Variants in WWC2 observed in about 807,000 individuals in gnomAD.
WWC2 encodes the protein protein WWC2.
WWC2 carries 101 observed loss-of-function variants against 138.5 expected under a neutral mutation model. That is an observed-to-expected ratio of 0.73 (90% CI 0.62 to 0.86). The LOEUF is 0.86. Ranked by LOEUF, WWC2 falls within the 40% of genes least tolerant of loss-of-function variation. The pLI is 0.00. For missense variants in WWC2, 1,420 were observed against 1,419.4 expected (o/e 1.00, Z -0.01); for synonymous variants, 558 against 538.4 (o/e 1.04, Z -0.50).
chr4:183,124,658 C>T (rs1250549602), intron 1 of WWC2, among the ~76,000 whole-genome samples: 94 of 148,376 alleles, frequency 6.3e-4, no homozygotes, highest in Non-Finnish European at 1.0e-3. Context: ...GGCATGATCT[C>T]GGCTCACTGC....
intron 1 of WWC2, among the ~76,000 whole-genome samples, chr4:183,108,143 T>TTTTCC (rs1185769046): frequency 2.0e-4 from 30 of 152,312 alleles, no homozygotes; most frequent in African/African-American, 6.7e-4. Context: ...ATGTAAAGGC[T>TTTTCC]TTTCCTTTTA....
rs1322134341 is a variant in WWC2, at chr4:183,253,886, C to T, written c.1083C>T (p.Val361=). Residue 361 remains valine, a synonymous_variant, in exon 9 of 23, where the codon GTC becomes GTT. Transcript: ENST00000403733. ...KEELLKELQF[V]TPQKRTQDEL... Reference sequence around the variant, plus strand: ...AACTTTTGAAAGAGCTTCAGTTCGTCACCCCACAGAAACGTACCCAAGATG... The same window carrying T: ...AACTTTTGAAAGAGCTTCAGTTCGTTACCCCACAGAAACGTACCCAAGATG... The T allele has an allele frequency of 6.2e-7, 1 of 1,613,836 alleles. No homozygotes were observed. Among genetic ancestry groups the T allele is most frequent in the Admixed American group, 1.7e-5 (1 of 60,006 alleles).
In WWC2 at chr4:183,316,993, T is replaced by A. The variant is rs896918166; in HGVS notation, c.*1264T>A. On this transcript the variant is annotated 3_prime_UTR_variant, in exon 23 of 23. Transcript: ENST00000403733. ...CCCAGGCACTTCTTAAAAACACAGATCCTCAGTGCAGCTCTGCCAGCATCA... is the reference window on the plus strand; with the variant it reads ...CCCAGGCACTTCTTAAAAACACAGAACCTCAGTGCAGCTCTGCCAGCATCA... 6.6e-6 allele frequency: 1 copy of A among 152,154 alleles called. No individual in the cohort carries two copies. Among genetic ancestry groups the A allele is most frequent in the Non-Finnish European group, 1.5e-5 (1 of 68,038 alleles). The allele number at this position is 152,154 out of a possible 1,614,324, so 9.4% of individuals were successfully genotyped here. A position where few individuals can be genotyped will look rare whatever the true frequency, so the allele number is the denominator to read the frequency against.
chr4:183,228,159 A>G (rs1490452649), intron 4 of WWC2, among the ~76,000 whole-genome samples: 1 of 152,098 alleles, frequency 6.6e-6, no homozygotes, highest in Non-Finnish European at 1.5e-5. Flanking sequence ...AAACGCTGGT[A>G]TACACAAATA....
At chr4:183,183,642 T>C (rs1055782131) in intron 1 of WWC2, among the ~76,000 whole-genome samples, 2 of 152,094 alleles carry the variant, frequency 1.3e-5, no homozygotes, top group African/African-American at 4.8e-5. Context: ...GCCAAGCGTG[T>C]TGGTGTGTAC....
intron 1 of WWC2, among the ~76,000 whole-genome samples, chr4:183,148,835 G>A (rs1161278777): frequency 6.6e-6 from 1 of 152,114 alleles, no homozygotes. Flanking sequence ...GAGCAATTAG[G>A]AATGGACCCA....
At chr4:183,308,920 A>C (rs1468258889) in intron 21 of WWC2, among the ~76,000 whole-genome samples, 1 of 152,204 alleles carries the variant, frequency 6.6e-6, no homozygotes, top group Non-Finnish European at 1.5e-5. Flanking sequence ...CCACAGATAC[A>C]GAGGGCTGAC....
chr4:183,182,520 A>C (rs1394591592), intron 1 of WWC2, among the ~76,000 whole-genome samples: 1 of 152,254 alleles, frequency 6.6e-6, no homozygotes, highest in African/African-American at 2.4e-5. Context: ...TAATCTGACA[A>C]GCAAACATTT....
chr4:183,103,331 C>CTTTTT (rs772364256), intron 1 of WWC2, among the ~76,000 whole-genome samples: 3 of 123,796 alleles, frequency 2.4e-5, no homozygotes, highest in African/African-American at 9.4e-5. Flanking sequence ...TCTGTATTGT[C>CTTTTT]TTTTTTTTTT....
intron 2 of WWC2, among the ~76,000 whole-genome samples, chr4:183,207,628 A>T (rs889896503): frequency 2.0e-5 from 3 of 152,142 alleles, no homozygotes; most frequent in South Asian, 2.1e-4. Context: ...GGTCCAGCTT[A>T]TGCAGGGCAT....
chr4:183,201,875 C>T lies in WWC2; in HGVS notation c.242-6078C>T, dbSNP rs372747792. Among the ~76,000 whole-genome samples the T allele has an allele frequency of 4.8e-4, 73 of 152,250 alleles. 1 individual carries two copies. The East Asian group carries it at 9.5e-3, about 20-fold the overall frequency. ...TGGCCCATCTTGTTTTGATTATACC[C>T]AGGATTTAATTTATAGAGGTGACTG... On this transcript the variant is annotated intron_variant, in intron 2 of 22. Transcript: ENST00000403733.
intron 4 of WWC2, among the ~76,000 whole-genome samples, chr4:183,221,009 G>A (rs1416957365): frequency 2.0e-5 from 3 of 152,104 alleles, no homozygotes; most frequent in Non-Finnish European, 2.9e-5. Flanking sequence ...CCAATTAAAA[G>A]GCAAAGATTA....
Position 183,282,882 on chromosome 4 carries a change from G to C in WWC2, c.2859G>C (p.Gln953His). 1.3e-6 allele frequency: 2 copies of C among 1,586,278 alleles called. No homozygotes were observed. The highest frequency in any genetic ancestry group is 1.7e-6 in the Non-Finnish European group (2 of 1,165,786). ...ACTGTGCCAAAGACCTCAGAAGTCA[G>C]CCACCTACTAGAATACCAACACTGG... ...ESNCAKDLRS[Q>H]PPTRIPTLVD... The change falls in exon 18 of 23, where the codon CAG (glutamine) becomes CAC (histidine). Residue 953 changes from glutamine to histidine, a missense_variant. Gln to His is a conservative substitution (Grantham distance 24, BLOSUM62 0). Transcript: ENST00000403733.
intron 4 of WWC2, among the ~76,000 whole-genome samples, chr4:183,221,118 A>G (rs1735924116): frequency 6.6e-6 from 1 of 152,242 alleles, no homozygotes. Flanking sequence ...TCAAGAAGAT[A>G]TATCATGAAA....
chr4:183,258,010 C>T (rs987736824), intron 9 of WWC2, among the ~76,000 whole-genome samples: 2 of 152,180 alleles, frequency 1.3e-5, no homozygotes, highest in Non-Finnish European at 2.9e-5. Context: ...AGGACGCTCC[C>T]TAGTGATGGA....
chr4:183,184,156 C>T (rs1348800771), intron 1 of WWC2, among the ~76,000 whole-genome samples: 1 of 152,198 alleles, frequency 6.6e-6, no homozygotes, highest in Non-Finnish European at 1.5e-5. Context: ...TCCTTGTCCC[C>T]TGGCAACCAT....
At chr4:183,268,867 C>A in intron 14 of WWC2, 104 bp from the exon 15 acceptor site, 1 of 1,228,156 alleles carries the variant, frequency 8.1e-7, no homozygotes, top group Non-Finnish European at 1.1e-6. Context: ...TCTTGAACTC[C>A]ACGATCCCTC....
At chr4:183,193,827 G>A (rs1408974236) in intron 2 of WWC2, 119 bp downstream of exon 2, 2 of 853,528 alleles carry the variant, frequency 2.3e-6, no homozygotes, top group Non-Finnish European at 3.7e-6. Context: ...TTTTCTTAGT[G>A]ACTAATATTT....
intron 1 of WWC2, among the ~76,000 whole-genome samples, chr4:183,181,564 G>A (rs1734633755): frequency 6.6e-6 from 1 of 151,994 alleles, no homozygotes; most frequent in Admixed American, 6.6e-5. Context: ...TTTCTTTATG[G>A]TTTTCTTAAT....
Sources: gnomAD v4.1 joint callset for allele counts (sites outside exome capture counted in the v4.1 genomes callset) on GRCh38, gnomAD v4.1.1 for gene constraint, MANE v1.5 for transcripts, NCBI Gene and HGNC (gene_info 2026-07-23, HGNC 2026-07-21) for gene names.